The following CTIF variants were observed in gnomAD, a reference collection of about 807,000 sequenced individuals.
CTIF encodes the protein CBP80/20-dependent translation initiation factor.
Under a neutral mutation model 66.0 loss-of-function variants are expected in CTIF, and 21 were observed. The ratio of observed to expected loss-of-function variants is 0.32; its 90% confidence interval spans 0.23 to 0.46. The LOEUF is 0.46. Ranked by LOEUF, CTIF falls within the 20% of genes least tolerant of loss-of-function variation. CTIF has a pLI of 1.00. For synonymous variants in CTIF, 345 were observed against 326.4 expected, an observed-to-expected ratio of 1.06 and a Z score of -0.62; for missense variants, 739 against 812.7, an observed-to-expected ratio of 0.91 and a Z score of 1.10.
At chr18:48,573,840 G>A (rs552831100) in intron 1 of CTIF, among the ~76,000 whole-genome samples, 12 of 152,344 alleles carry the variant, frequency 7.9e-5, no homozygotes, top group African/African-American at 2.9e-4. Context: ...CACTGTGAAT[G>A]TGCAAGTATA....
rs1365031339 is a variant in CTIF at position 48,816,920 on chromosome 18, A to T, written c.1372-301A>T. Among the ~76,000 whole-genome samples, 4 of 152,204 alleles carry T rather than the reference A, an allele frequency of 2.6e-5. No homozygotes were observed. In the South Asian group the frequency reaches 6.2e-4, roughly 24 times the overall value. On this transcript the variant is annotated intron_variant, in intron 9 of 11. Coordinates refer to ENST00000256413, the MANE Select transcript of CTIF (RefSeq NM_014772.3). ...AGGGTGTCACCTCCCGTTCTACCTC[A>T]TCCTCCCACATCAGCATTGCTGTCA...
chr18:48,619,550 C>T lies in CTIF; in HGVS notation c.-16C>T, dbSNP rs1205822498. 5 of 1,504,508 alleles carry T rather than the reference C, an allele frequency of 3.3e-6. No homozygotes were observed. The highest frequency in any genetic ancestry group is 1.8e-4 in the Middle Eastern group (1 of 5,670). 93.2% of individuals were successfully genotyped at this position (1,504,508 alleles called of 1,614,324 possible). Reference sequence around the variant, plus strand: ...TCTTTCCCACCAGTCCCGGCCCAGGCCCCTGAGCTGGAGGGATGGAAAACT... The same window carrying T: ...TCTTTCCCACCAGTCCCGGCCCAGGTCCCTGAGCTGGAGGGATGGAAAACT... On this transcript the variant is annotated 5_prime_UTR_variant, in exon 2 of 12. Coordinates refer to ENST00000256413, the MANE Select transcript of CTIF (RefSeq NM_014772.3).
chr18:48,777,338 G>A (rs934324283), intron 9 of CTIF, among the ~76,000 whole-genome samples: 4 of 152,228 alleles, frequency 2.6e-5, no homozygotes, highest in Admixed American at 2.6e-4. Context: ...CCACAGGGAA[G>A]ATTTAAACTA....
chr18:48,716,769 G>A (rs1460951703), intron 7 of CTIF, among the ~76,000 whole-genome samples: 1 of 152,212 alleles, frequency 6.6e-6, no homozygotes, highest in Non-Finnish European at 1.5e-5. Context: ...GCTAATGTAG[G>A]CATTAGTGGT....
intron 2 of CTIF, among the ~76,000 whole-genome samples, chr18:48,620,536 C>G (rs2144420232): frequency 6.6e-6 from 1 of 152,310 alleles, no homozygotes; most frequent in Non-Finnish European, 1.5e-5. Flanking sequence ...CCTTCAATGT[C>G]TGTGGGGCTG....
chr18:48,686,715 G>A (rs550582687), intron 6 of CTIF, among the ~76,000 whole-genome samples: 13 of 152,202 alleles, frequency 8.5e-5, no homozygotes, highest in East Asian at 3.9e-4. Flanking sequence ...TTTAGACTTC[G>A]ATCTGGTTCT....
chr18:48,642,251 C>T lies in CTIF; in HGVS notation c.252+5566C>T, dbSNP rs772911663. Among the ~76,000 whole-genome samples, 142 of 152,124 alleles carry T rather than the reference C, an allele frequency of 9.3e-4. 1 individual carries two copies. The highest frequency in any genetic ancestry group is 1.6e-3 in the Non-Finnish European group (111 of 67,996). On this transcript the variant is annotated intron_variant, in intron 3 of 11. Transcript: ENST00000256413. The stretch of plus-strand genomic sequence containing the variant: ...ACACAGAACAAGATGACAACATACA[C>T]GTAAGATCCCCAAAGAGATGTCATC...
At position 48,643,838 on chromosome 18, in the gene CTIF, T is replaced by C. The variant is rs180841384; in HGVS notation, c.252+7153T>C. ...AAGGCCTCCAGTGAATTCTGAAACA[T>C]CATGGGCTCTCAGATGGCAGGAAGC... is the stretch of plus-strand genomic sequence containing the variant. On this transcript the variant is annotated intron_variant, in intron 3 of 11. Transcript: ENST00000256413. Among the ~76,000 whole-genome samples the C allele has an allele frequency of 3.3e-5, 5 of 152,258 alleles. No homozygotes were observed. The East Asian group carries it at 7.7e-4, about 24-fold the overall frequency.
intron 6 of CTIF, among the ~76,000 whole-genome samples, chr18:48,707,370 G>T (rs563480409): frequency 5.3e-5 from 8 of 152,290 alleles, no homozygotes; most frequent in African/African-American, 1.9e-4. Context: ...CCAGATTTCA[G>T]GAACGTATTG....
intron 1 of CTIF, among the ~76,000 whole-genome samples, chr18:48,561,234 TCAAAAAAAAAAAA>T (rs962184355): frequency 6.8e-5 from 1 of 14,752 alleles, no homozygotes; most frequent in Non-Finnish European, 1.5e-4. Flanking sequence ...AGACTCTGTC[TCAAAAAAAAAAAA>T]AAAAAAAAGG....
rs78853314 is a variant in CTIF, at chr18:48,862,530, A to C, written c.*2971A>C. 632 of 152,730 alleles carry C rather than the reference A, an allele frequency of 4.1e-3. 9 individuals are homozygous for C. The East Asian group carries it at 0.052, about 13-fold the overall frequency. The allele number at this position is 152,730 out of a possible 1,614,324, so 9.5% of individuals were successfully genotyped here. A position where few individuals can be genotyped will look rare whatever the true frequency, so the allele number is the denominator to read the frequency against. On this transcript the variant is annotated 3_prime_UTR_variant, in exon 12 of 12. Coordinates refer to ENST00000256413, the MANE Select transcript of CTIF (RefSeq NM_014772.3). ...CAGGAGCCCCGCCACCCTCCACGGGATGTGCACCCTCAGACCCCATTCTCT... is the reference window on the plus strand; with the variant it reads ...CAGGAGCCCCGCCACCCTCCACGGGCTGTGCACCCTCAGACCCCATTCTCT...
intron 1 of CTIF, among the ~76,000 whole-genome samples, chr18:48,594,064 C>T (rs562526631): frequency 2.0e-5 from 3 of 150,732 alleles, no homozygotes; most frequent in African/African-American, 7.3e-5. Flanking sequence ...ACACAAGCCC[C>T]CCCTCCTATC....
chr18:48,813,404 C>T (rs1194812369), intron 9 of CTIF, among the ~76,000 whole-genome samples: 6 of 152,326 alleles, frequency 3.9e-5, no homozygotes, highest in East Asian at 1.9e-4. Context: ...TAAGTTTTCA[C>T]GACACTGCTC....
At chr18:48,745,682 C>T (rs1252368870) in intron 7 of CTIF, among the ~76,000 whole-genome samples, 2 of 152,252 alleles carry the variant, frequency 1.3e-5, no homozygotes, top group Non-Finnish European at 2.9e-5. Context: ...CCAGAATACA[C>T]GGGCTGTCTC....
At chr18:48,808,751 T>G (rs1482168598) in intron 9 of CTIF, among the ~76,000 whole-genome samples, 4 of 152,236 alleles carry the variant, frequency 2.6e-5, no homozygotes, top group Non-Finnish European at 5.9e-5. Flanking sequence ...TAGCTCTCCA[T>G]TCGGATGTCA....
chr18:48,699,263 T>A (rs2092049562), intron 6 of CTIF, among the ~76,000 whole-genome samples: 1 of 152,194 alleles, frequency 6.6e-6, no homozygotes, highest in Non-Finnish European at 1.5e-5. Context: ...GTTCACAGAC[T>A]GGCTGGTCCT....
chr18:48,589,319 C>T (rs558659838), intron 1 of CTIF, among the ~76,000 whole-genome samples: 1 of 152,308 alleles, frequency 6.6e-6, no homozygotes, highest in African/African-American at 2.4e-5. Flanking sequence ...TCCCAACAGT[C>T]CTTGGCATGT....
intron 9 of CTIF, among the ~76,000 whole-genome samples, chr18:48,780,288 C>A (rs1911082082): frequency 6.6e-6 from 1 of 152,206 alleles, no homozygotes; most frequent in Non-Finnish European, 1.5e-5. Flanking sequence ...CCTCTAGAAA[C>A]CCTTCTAAGC....
intron 9 of CTIF, among the ~76,000 whole-genome samples, chr18:48,775,225 TCTC>T (rs1189396190): frequency 2.0e-5 from 3 of 152,180 alleles, no homozygotes; most frequent in Admixed American, 2.0e-4. Context: ...ATAATACCCA[TCTC>T]CTCCTCCTGC....
Sources: gnomAD v4.1 joint callset for allele counts (sites outside exome capture counted in the v4.1 genomes callset) on GRCh38, gnomAD v4.1.1 for gene constraint, MANE v1.5 for transcripts, NCBI Gene and HGNC (gene_info 2026-07-23, HGNC 2026-07-21) for gene names.